Variants in LHCGR observed in about 807,000 individuals in gnomAD.
LHCGR encodes the protein lutropin-choriogonadotropic hormone receptor.
A neutral mutation model predicts 60.7 loss-of-function variants in LHCGR; 55 were observed. That is an observed-to-expected ratio of 0.91 (90% confidence interval 0.73 to 1.13). The LOEUF is 1.13. LHCGR is among the 50% of genes most tolerant of loss of function. The pLI is 0.00. For synonymous variants in LHCGR, 337 were observed against 316.5 expected (o/e 1.06, Z -0.69); for missense variants, 862 against 836.0 (o/e 1.03, Z -0.38).
intron 6 of LHCGR, among the ~76,000 whole-genome samples, chr2:48,723,099 A>C (rs527713005): frequency 6.6e-6 from 1 of 152,322 alleles, no homozygotes; most frequent in South Asian, 2.1e-4. Context: ...CTCTGTTGAA[A>C]TCTTGAAATT....
At chr2:48,738,868 C>T (rs1365290427) in intron 1 of LHCGR, among the ~76,000 whole-genome samples, 5 of 152,192 alleles carry the variant, frequency 3.3e-5, no homozygotes, top group Non-Finnish European at 5.9e-5. Context: ...GTTAATTTCA[C>T]ATTTTGAAAA....
chr2:48,754,660 C>T (rs1218709041), intron 1 of LHCGR, among the ~76,000 whole-genome samples: 2 of 152,176 alleles, frequency 1.3e-5, no homozygotes, highest in Non-Finnish European at 2.9e-5. Context: ...ATCCGCTTCC[C>T]CAGCCCTGGT....
Position 48,721,096 on chromosome 2 carries a change from ATTATTATT to A in LHCGR, c.536+2352_536+2359del, listed in dbSNP as rs577972833. On this transcript the variant is annotated intron_variant, in intron 6 of 10. Transcript: ENST00000294954. ...TCATAGTGAATATCTACTAGCTTGT[ATTATTATT>A]TTATTATTTTATGTTTTCCCCCTCA... 5.1e-3 allele frequency: 783 copies of A among 152,470 alleles called. 3 individuals are homozygous for A. Among genetic ancestry groups the A allele is most frequent in the Non-Finnish European group, 8.2e-3 (560 of 68,178 alleles). The allele number at this position is 152,470 out of a possible 1,614,324, so 9.4% of individuals were successfully genotyped here.
intron 8 of LHCGR, 81 bp from the exon 9 acceptor site, chr2:48,698,881 GC>G: frequency 8.2e-7 from 1 of 1,221,318 alleles, no homozygotes; most frequent in Non-Finnish European, 1.1e-6. Flanking sequence ...TTGCTCCGTC[GC>G]CCAGGCTGGA....
chr2:48,734,863 C>A (rs981404795), intron 1 of LHCGR, among the ~76,000 whole-genome samples: 1 of 152,166 alleles, frequency 6.6e-6, no homozygotes, highest in South Asian at 2.1e-4. Context: ...CAACTATGCA[C>A]CTCAGATGGG....
chr2:48,700,058 C>CATTTTT (rs1667331993), intron 8 of LHCGR, among the ~76,000 whole-genome samples: 1 of 152,102 alleles, frequency 6.6e-6, no homozygotes, highest in African/African-American at 2.4e-5. Context: ...ATGGTGTAGG[C>CATTTTT]CCTCAGTGGA....
At chr2:48,725,897 G>A (rs1350769569) in intron 3 of LHCGR, 147 bp from the exon 4 acceptor site, 32 of 705,516 alleles carry the variant, frequency 4.5e-5, no homozygotes, top group South Asian at 1.5e-4. Flanking sequence ...GACCCCTAGC[G>A]ACTCTGGGGA....
chr2:48,713,089 C>G (rs539749610), intron 7 of LHCGR, among the ~76,000 whole-genome samples: 1 of 152,270 alleles, frequency 6.6e-6, no homozygotes, highest in African/African-American at 2.4e-5. Context: ...TCAGGCCCTA[C>G]CTAGATCCAC....
intron 8 of LHCGR, among the ~76,000 whole-genome samples, chr2:48,702,468 T>A (rs1308136983): frequency 6.6e-6 from 1 of 152,128 alleles, no homozygotes; most frequent in East Asian, 1.9e-4. Context: ...CGTGTCGATG[T>A]GTTCTCATTG....
At chr2:48,716,195 C>T (rs1439790278) in intron 6 of LHCGR, among the ~76,000 whole-genome samples, 1 of 152,202 alleles carries the variant, frequency 6.6e-6, no homozygotes, top group Admixed American at 6.5e-5. Context: ...AGCAACCCTG[C>T]AAAGAGAAGC....
intron 3 of LHCGR, 130 bp from the exon 4 acceptor site, chr2:48,725,880 T>C: frequency 1.3e-6 from 1 of 760,584 alleles, no homozygotes; most frequent in South Asian, 1.4e-5. Flanking sequence ...CTTCATATGC[T>C]TGGGAGGACC....
At chr2:48,697,864 A>C (rs1667201266) in intron 9 of LHCGR, among the ~76,000 whole-genome samples, 1 of 152,202 alleles carries the variant, frequency 6.6e-6, no homozygotes, top group Non-Finnish European at 1.5e-5. Flanking sequence ...AAAATAAGAA[A>C]ATATCAGCAT....
chr2:48,696,407 A>G (rs1260828708), intron 9 of LHCGR, among the ~76,000 whole-genome samples: 2 of 152,256 alleles, frequency 1.3e-5, no homozygotes, highest in Non-Finnish European at 2.9e-5. Flanking sequence ...CAAGGCCGCA[A>G]CCAGAAAAGA....
intron 9 of LHCGR, among the ~76,000 whole-genome samples, chr2:48,694,855 A>C (rs1171730767): frequency 6.6e-6 from 1 of 152,190 alleles, no homozygotes; most frequent in Non-Finnish European, 1.5e-5. Context: ...AAAGAAGAGA[A>C]ATACCAATAA....
At chr2:48,727,843 T>A (rs1668807412) in intron 3 of LHCGR, among the ~76,000 whole-genome samples, 1 of 152,254 alleles carries the variant, frequency 6.6e-6, no homozygotes, top group Admixed American at 6.5e-5. Context: ...CACATGGTAG[T>A]TGCTCACGTA....
chr2:48,707,568 G>A lies in LHCGR; in HGVS notation c.680+1380C>T, dbSNP rs1667753925. On this transcript the variant is annotated intron_variant, in intron 8 of 10. Transcript: ENST00000294954. ...CTGTAATTCCCTGACTGTGGCTGCT[G>A]CCTTTGTTCAGATATGTCCTGCCCA... 1.3e-5 allele frequency among the ~76,000 whole-genome samples: 2 copies of A among 152,256 alleles called. 1 individual carries two copies. The highest frequency in any genetic ancestry group is 4.1e-4 in the South Asian group (2 of 4,836).
chr2:48,687,580 T>C lies in LHCGR; in HGVS notation c.*117A>G, dbSNP rs1025332462. On this transcript the variant is annotated 3_prime_UTR_variant, in exon 11 of 11. Transcript: ENST00000294954. Reference sequence around the variant, plus strand: ...TACTAGGTAGAGGTCTCTTGCCTAATGTACCTAAAAATAAATAATTTCCTA... The same window carrying C: ...TACTAGGTAGAGGTCTCTTGCCTAACGTACCTAAAAATAAATAATTTCCTA... The C allele has an allele frequency of 1.1e-5, 9 of 829,676 alleles. No homozygotes were observed. Among genetic ancestry groups the C allele is most frequent in the Non-Finnish European group, 1.8e-5 (9 of 508,402 alleles). The allele number at this position is 829,676 out of a possible 1,614,324, so 51.4% of individuals were successfully genotyped here.
chr2:48,729,018 C>T (rs927966158), intron 3 of LHCGR, 135 bp downstream of exon 3: 18 of 783,652 alleles, frequency 2.3e-5, no homozygotes, highest in Admixed American at 1.2e-4. Context: ...TTAGTGCCTG[C>T]CCAGACCTAG....
intron 8 of LHCGR, among the ~76,000 whole-genome samples, chr2:48,708,011 G>C (rs1024106368): frequency 2.0e-5 from 3 of 152,180 alleles, no homozygotes; most frequent in Non-Finnish European, 4.4e-5. Context: ...CCCTGCTTCA[G>C]CTGGCCCTCT....
Sources: allele counts gnomAD v4.1 joint callset (sites outside exome capture counted in the v4.1 genomes callset), GRCh38; gene constraint gnomAD v4.1.1; transcripts MANE v1.5; gene names NCBI Gene and HGNC (gene_info 2026-07-23, HGNC 2026-07-21).